The following MCM5 variants were observed in gnomAD, a reference collection of about 807,000 sequenced individuals.
The protein encoded by MCM5 is DNA replication licensing factor MCM5.
MCM5 carries 46 observed loss-of-function variants against 79.9 expected under a neutral mutation model. The ratio of observed to expected loss-of-function variants is 0.58; its 90% confidence interval spans 0.45 to 0.74. MCM5 has a LOEUF of 0.74. Among genes scored for constraint, MCM5 ranks in the 30% least tolerant of loss-of-function variants. MCM5 has a pLI of 0.00. For synonymous variants in MCM5, 404 were observed against 390.5 expected (o/e 1.03, Z -0.41); for missense variants, 883 against 1,017.0 (o/e 0.87, Z 1.79).
At chr22:35,439,106 C>G in the MCM5 span, among the ~76,000 whole-genome samples, 17 of 145,872 alleles carry the variant, frequency 1.2e-4, no homozygotes, top group Non-Finnish European at 1.4e-4. Context: ...CATCCATTCA[C>G]CCATCCACCC....
intron 16 of MCM5, 143 bp from the exon 17 acceptor site, chr22:35,424,011 T>A: frequency 3.4e-6 from 2 of 596,314 alleles, no homozygotes; most frequent in Non-Finnish European, 3.0e-6. Flanking sequence ...CAGTGTCTGG[T>A]ACACAGTGGG....
the MCM5 span, among the ~76,000 whole-genome samples, chr22:35,446,000 T>C: frequency 6.6e-6 from 1 of 152,252 alleles, no homozygotes; most frequent in Non-Finnish European, 1.5e-5. Flanking sequence ...CACATCTTTC[T>C]GCTTAGCCCA....
chr22:35,421,037 A>AG (rs1400876346), intron 14 of MCM5, among the ~76,000 whole-genome samples: 1 of 151,122 alleles, frequency 6.6e-6, no homozygotes, highest in African/African-American at 2.4e-5. Context: ...CTGAGGTGGA[A>AG]GGATCACTGG....
intron 4 of MCM5, among the ~76,000 whole-genome samples, chr22:35,404,702 G>A (rs1186773484): frequency 6.6e-6 from 1 of 152,106 alleles, no homozygotes; most frequent in Non-Finnish European, 1.5e-5. Flanking sequence ...CCCCAGCCTC[G>A]CTTCTGCTTC....
rs1434288169 is a variant in MCM5, at chr22:35,423,461, A to T, written c.2103+120A>T. The T allele has an allele frequency of 1.2e-5, 14 of 1,135,608 alleles. No homozygotes were observed. In the Admixed American group the frequency reaches 4.0e-4, roughly 32 times the overall value. 70.3% of individuals were successfully genotyped at this position (1,135,608 alleles called of 1,614,324 possible). On this transcript the variant is annotated intron_variant, in intron 16 of 16. Coordinates refer to ENST00000216122, the MANE Select transcript of MCM5 (RefSeq NM_006739.4). ...CAGGCCCTGAACGGGGGTAGGATGG[A>T]CAACTGTCCCTTTCTCAGACCTTTT...
chr22:35,421,372 G>A lies in MCM5; in HGVS notation c.1887G>A (p.Gln629=). 1 of 1,614,076 alleles carries A rather than the reference G, an allele frequency of 6.2e-7. No individual in the cohort carries two copies. Among genetic ancestry groups the A allele is most frequent in the Non-Finnish European group, 8.5e-7 (1 of 1,180,034 alleles). ...AAGCCCTCAGCAAGATGAAGCTGCA[G>A]CCCTTCGCCACAGAGGCAGATGTGG... The part of the protein sequence containing the change: ...IAEALSKMKL[Q]PFATEADVEE... Residue 629 remains glutamine, a synonymous_variant, in exon 15 of 17, where the codon CAG becomes CAA. Coordinates refer to ENST00000216122, the MANE Select transcript of MCM5 (RefSeq NM_006739.4).
At chr22:35,444,069 T>TGGG in the MCM5 span, among the ~76,000 whole-genome samples, 2 of 152,142 alleles carry the variant, frequency 1.3e-5, no homozygotes, top group Non-Finnish European at 2.9e-5. Flanking sequence ...GCCTTGTGCC[T>TGGG]GGCAGACAGT....
chr22:35,403,106 T>C, intron 2 of MCM5, 101 bp from the exon 3 acceptor site: 1 of 1,399,056 alleles, frequency 7.1e-7, no homozygotes, highest in Non-Finnish European at 9.9e-7. Flanking sequence ...TCATGGTGGC[T>C]GTGGTGTGGG....
chr22:35,404,558 G>C (rs1476604115), intron 4 of MCM5, among the ~76,000 whole-genome samples: 1 of 152,170 alleles, frequency 6.6e-6, no homozygotes. Flanking sequence ...TACCGGGCAA[G>C]AACGCTTATG....
Position 35,420,007 on chromosome 22 carries a change from T to C in MCM5, c.1827T>C (p.Thr609=). 1 of 1,608,994 alleles carries C rather than the reference T, an allele frequency of 6.2e-7. No individual in the cohort carries two copies. The highest frequency in any genetic ancestry group is 1.3e-5 in the African/African-American group (1 of 74,962). ...DSDRRSSIPI[T]VRQLEAIVRI... is the part of the protein sequence containing the mutation. Reference sequence around the variant, plus strand: ...ACCGCCGCTCCAGCATCCCCATCACTGTGCGGTGAGCAGGCGGGCAGGGCT... The same window carrying C: ...ACCGCCGCTCCAGCATCCCCATCACCGTGCGGTGAGCAGGCGGGCAGGGCT... The change falls in exon 14 of 17, where the codon ACT becomes ACC. Residue 609 remains threonine (T), a synonymous_variant. Transcript: ENST00000216122.
the MCM5 span, among the ~76,000 whole-genome samples, chr22:35,436,150 G>A: frequency 8.5e-6 from 1 of 117,654 alleles, no homozygotes; most frequent in African/African-American, 4.2e-5. Flanking sequence ...GGCAACAAGA[G>A]CAAAACTCAG....
intron 4 of MCM5, among the ~76,000 whole-genome samples, chr22:35,406,301 C>CCA (rs1017863260): frequency 2.9e-5 from 4 of 139,140 alleles, no homozygotes; most frequent in African/African-American, 8.5e-5. Flanking sequence ...CTGCCACCTC[C>CCA]CCCCCCAATT....
chr22:35,405,533 A>G (rs1278190453), intron 4 of MCM5, among the ~76,000 whole-genome samples: 3 of 146,766 alleles, frequency 2.0e-5, no homozygotes, highest in Non-Finnish European at 4.5e-5. Flanking sequence ...CACCTGGCTA[A>G]TTTTTGTATT....
chr22:35,416,759 C>T lies in MCM5; in HGVS notation c.1535C>T (p.Ser512Leu), dbSNP rs1057415451. 3.7e-6 allele frequency: 6 copies of T among 1,614,086 alleles called. No homozygotes were observed. The highest frequency in any genetic ancestry group is 5.1e-6 in the Non-Finnish European group (6 of 1,180,038). ...ATTGACTTCATGCCCACCATCTTGT[C>T]GCGCTTCGACATGATCTTCATCGTC... ...DNIDFMPTIL[S>L]RFDMIFIVKD... Residue 512 changes from serine to leucine, a missense_variant, in exon 12 of 17, where the codon TCG becomes TTG. Around this residue, in one of 3 missense-constraint regions of MCM5, gnomAD observed 426 missense variants for 482.3 expected, o/e 0.88. Coordinates refer to ENST00000216122, the MANE Select transcript of MCM5 (RefSeq NM_006739.4).
In MCM5 at chr22:35,413,814, G is replaced by A; in HGVS notation, c.1092-61G>A. On this transcript the variant is annotated intron_variant, in intron 8 of 16. Transcript: ENST00000216122. Reference sequence around the variant, plus strand: ...CTGCCAGCCCACCAATCTGGTGACTGGATGTCACATGCGATGCCCTCATGG... The same window carrying A: ...CTGCCAGCCCACCAATCTGGTGACTAGATGTCACATGCGATGCCCTCATGG... The A allele has an allele frequency of 3.2e-6, 3 of 947,890 alleles. No homozygotes were observed. In the South Asian group the frequency reaches 3.9e-5, roughly 12 times the overall value. 58.7% of individuals were successfully genotyped at this position (947,890 alleles called of 1,614,324 possible). A position where few individuals can be genotyped will look rare whatever the true frequency, so the allele number is the denominator to read the frequency against.
the MCM5 span, among the ~76,000 whole-genome samples, chr22:35,453,158 C>T: frequency 6.6e-6 from 1 of 152,232 alleles, no homozygotes. Context: ...CCTGCCTGTC[C>T]ATCCTGACAC....
chr22:35,439,235 C>T, the MCM5 span, among the ~76,000 whole-genome samples: 6 of 151,480 alleles, frequency 4.0e-5, no homozygotes, highest in Non-Finnish European at 8.8e-5. Flanking sequence ...AAATATTCAT[C>T]CATCCATCCA....
the MCM5 span, among the ~76,000 whole-genome samples, chr22:35,438,404 C>A: frequency 6.6e-6 from 1 of 151,012 alleles, no homozygotes; most frequent in Non-Finnish European, 1.5e-5. Flanking sequence ...TCCACCCACC[C>A]ACATATTCAT....
Position 35,424,659 on chromosome 22 carries a change from G to A in MCM5, c.*404G>A, listed in dbSNP as rs193227616. Reference sequence around the variant, plus strand: ...TAAGTCACGTGACTTGAGTGCTCCGGTTTCTTCATCTGTTTAGCGGGGCTC... The same window carrying A: ...TAAGTCACGTGACTTGAGTGCTCCGATTTCTTCATCTGTTTAGCGGGGCTC... On this transcript the variant is annotated 3_prime_UTR_variant, in exon 17 of 17. Coordinates refer to ENST00000216122, the MANE Select transcript of MCM5 (RefSeq NM_006739.4). The A allele has an allele frequency of 6.2e-6, 1 of 162,240 alleles. No homozygotes were observed. The highest frequency in any genetic ancestry group is 2.4e-5 in the African/African-American group (1 of 41,964). The allele number at this position is 162,240 out of a possible 1,614,324, so 10.1% of individuals were successfully genotyped here. A position where few individuals can be genotyped will look rare whatever the true frequency, so the allele number is the denominator to read the frequency against.
Sources: gnomAD v4.1 joint callset for allele counts (sites outside exome capture counted in the v4.1 genomes callset) on GRCh38, gnomAD v4.1.1 for gene constraint, gnomAD v4.1.1 regional missense constraint, MANE v1.5 for transcripts, NCBI Gene and HGNC (gene_info 2026-07-23, HGNC 2026-07-21) for gene names.